ANKUB1: variants seen among roughly 807,000 people sequenced by gnomAD.
ANKUB1 encodes the protein protein ANKUB1.
ANKUB1 carries 42 observed loss-of-function variants against 49.3 expected under a neutral mutation model. The ratio of observed to expected loss-of-function variants is 0.85; its 90% CI spans 0.67 to 1.10. ANKUB1 has a LOEUF of 1.10. Among genes scored for constraint, ANKUB1 ranks in the 50% least tolerant of loss-of-function variants. ANKUB1 has a pLI of 0.00. For missense variants in ANKUB1, 613 were observed against 642.0 expected (o/e 0.95, Z 0.49); for synonymous variants, 222 against 231.0 (o/e 0.96, Z 0.35).
At chr3:149,771,913 CTCATTA>C (rs991514103) in intron 3 of ANKUB1, among the ~76,000 whole-genome samples, 2 of 152,076 alleles carry the variant, frequency 1.3e-5, no homozygotes, top group African/African-American at 4.8e-5. Context: ...TAAAAGACCA[CTCATTA>C]TCTTTCACCC....
At chr3:149,768,903 C>T (rs946706729) in intron 4 of ANKUB1, among the ~76,000 whole-genome samples, 2 of 152,034 alleles carry the variant, frequency 1.3e-5, no homozygotes, top group Non-Finnish European at 2.9e-5. Flanking sequence ...TAAAAAGTGT[C>T]CGCCTCATCA....
At chr3:149,764,517 C>G (rs570027344) in intron 5 of ANKUB1, among the ~76,000 whole-genome samples, 9 of 106,672 alleles carry the variant, frequency 8.4e-5, no homozygotes, top group Middle Eastern at 0.012. Flanking sequence ...CACCACTCCC[C>G]CTATGGGTCT....
intron 3 of ANKUB1, among the ~76,000 whole-genome samples, chr3:149,772,340 T>A (rs1717404141): frequency 6.6e-6 from 1 of 152,188 alleles, no homozygotes; most frequent in Admixed American, 6.5e-5. Flanking sequence ...TTTTTTCATG[T>A]CCTACATCTA....
chr3:149,762,778 G>A (rs1182777820), intron 5 of ANKUB1, among the ~76,000 whole-genome samples: 2 of 152,140 alleles, frequency 1.3e-5, no homozygotes, highest in Admixed American at 6.6e-5. Context: ...TCTTCACTTG[G>A]TCACACAAGA....
chr3:149,767,591 C>G lies in ANKUB1; in HGVS notation c.1071G>C (p.Met357Ile), dbSNP rs1317527502. 2.6e-6 allele frequency: 4 copies of G among 1,551,662 alleles called. No individual in the cohort carries two copies. In the Admixed American group the frequency reaches 7.8e-5, roughly 30 times the overall value. ...VMVDGFTKPKMTSKSWHKAGN... is the reference protein window; with the variant it reads ...VMVDGFTKPKITSKSWHKAGN... ...CAGCCTTATGCCAGCTCTTGGAGGT[C>G]ATTTTTGGTTTGGTGAAACCATCCA... The change falls in exon 5 of 6, where the codon ATG becomes ATC. Residue 357 changes from methionine to isoleucine, a missense_variant. By Grantham distance (10) the Met-to-Ile change is conservative. Coordinates refer to ENST00000446160, the MANE Select transcript of ANKUB1 (RefSeq NM_001144960.3).
intron 5 of ANKUB1, among the ~76,000 whole-genome samples, chr3:149,764,677 T>C (rs371375076): frequency 2.8e-5 from 4 of 140,806 alleles, no homozygotes; most frequent in East Asian, 2.1e-4. Context: ...TTTCTTTTTC[T>C]TTCCTTCCTT....
chr3:149,766,646 A>T (rs1346341968), intron 5 of ANKUB1: 1 of 509,236 alleles, frequency 2.0e-6, no homozygotes, highest in Non-Finnish European at 3.6e-6. Flanking sequence ...CAGAAAAAAA[A>T]AATCAATCAG....
At chr3:149,781,588 C>T (rs1717874916) in intron 2 of ANKUB1, among the ~76,000 whole-genome samples, 1 of 152,186 alleles carries the variant, frequency 6.6e-6, no homozygotes, top group African/African-American at 2.4e-5. Context: ...CTTGCCCCTC[C>T]TTTGTTTCCT....
intron 3 of ANKUB1, among the ~76,000 whole-genome samples, chr3:149,775,239 A>G (rs566985336): frequency 6.6e-6 from 1 of 152,256 alleles, no homozygotes; most frequent in East Asian, 1.9e-4. Flanking sequence ...ACACATGCCT[A>G]TCTGATTTGG....
chr3:149,790,925 C>G lies in ANKUB1; in HGVS notation c.91-1G>C. 4 of 1,550,812 alleles carry G rather than the reference C, an allele frequency of 2.6e-6. No homozygotes were observed. Among genetic ancestry groups the G allele is most frequent in the Non-Finnish European group, 3.5e-6 (4 of 1,146,576 alleles). Reference sequence around the variant, plus strand: ...CAGAGAGAGGAATGTGGAAATAATCCTTAAAAATCAATAGCATATTATGAA... The same window carrying G: ...CAGAGAGAGGAATGTGGAAATAATCGTTAAAAATCAATAGCATATTATGAA... On this transcript the variant is annotated splice_acceptor_variant, in intron 1 of 5. Transcript: ENST00000446160. LOFTEE classifies it high-confidence loss of function.
At chr3:149,780,182 G>A in intron 3 of ANKUB1, 57 bp downstream of exon 3, 1 of 1,400,486 alleles carries the variant, frequency 7.1e-7, no homozygotes, top group South Asian at 1.3e-5. Context: ...TGCAAAATCT[G>A]GTATCAAAGG....
chr3:149,768,075 A>T lies in ANKUB1; in HGVS notation c.587T>A (p.Leu196Gln), dbSNP rs1296781070. Residue 196 changes from leucine (L) to glutamine (Q), a missense_variant, in exon 5 of 6, where the codon CTG becomes CAG. Transcript: ENST00000446160. ...GTACCCACAAAAAGCAGCAATGTACAGGGCTACCCTTTTCTGATACCTAAA... is the reference window on the plus strand; with the variant it reads ...GTACCCACAAAAAGCAGCAATGTACTGGGCTACCCTTTTCTGATACCTAAA... ...PVLKYQKRVA[L>Q]YIAAFCGYIE... 7.1e-7 allele frequency: 1 copy of T among 1,403,834 alleles called. No individual in the cohort carries two copies. The highest frequency in any genetic ancestry group is 3.0e-5 in the Admixed American group (1 of 33,288). The allele number at this position is 1,403,834 out of a possible 1,614,324, so 87.0% of individuals were successfully genotyped here.
chr3:149,792,466 GC>G lies in ANKUB1; in HGVS notation c.-101del. On this transcript the variant is annotated 5_prime_UTR_variant, in exon 1 of 6. Transcript: ENST00000446160. ...TTCACAATTAAGGACAAAAATGATA[GC>G]CAGAGGCAGCTGTCACTGTCTAGCC... 1 of 908,800 alleles carries G rather than the reference GC, an allele frequency of 1.1e-6. No homozygotes were observed. 56.3% of individuals were successfully genotyped at this position (908,800 alleles called of 1,614,324 possible).
In ANKUB1 at chr3:149,767,972, C is replaced by T; in HGVS notation, c.690G>A (p.Trp230Ter). 1 of 1,539,258 alleles carries T rather than the reference C, an allele frequency of 6.5e-7. No homozygotes were observed. Among genetic ancestry groups the T allele is most frequent in the Non-Finnish European group, 8.8e-7 (1 of 1,137,812 alleles). Residue 230 changes from tryptophan (W) to a stop codon, truncating the protein, a stop_gained, in exon 5 of 6, where the codon TGG (tryptophan) becomes TGA (stop). Coordinates refer to ENST00000446160, the MANE Select transcript of ANKUB1 (RefSeq NM_001144960.3). LOFTEE classifies it high-confidence loss of function. ...CATCTGCATGAAGGGCTTCATGGCA[C>T]CATGCTCGATAGGGGTGAACACCGA... ...EAVGVHPYRA[W>*]CHEALHADVS...
Position 149,768,169 on chromosome 3 carries a change from C to T in ANKUB1, c.567-74G>A, listed in dbSNP as rs1261506107. The T allele has an allele frequency of 2.9e-6, 3 of 1,021,554 alleles. No homozygotes were observed. The African/African-American group carries it at 4.8e-5, about 16-fold the overall frequency. 63.3% of individuals were successfully genotyped at this position (1,021,554 alleles called of 1,614,324 possible). ...CAGACAAATGTAGTTACACTAAATG[C>T]TCATGAAATATTCTAGTTGAATGTT... On this transcript the variant is annotated intron_variant, in intron 4 of 5. Transcript: ENST00000446160.
At chr3:149,766,303 TTCAAG>T (rs1717010822) in intron 5 of ANKUB1, among the ~76,000 whole-genome samples, 1 of 152,208 alleles carries the variant, frequency 6.6e-6, no homozygotes, top group African/African-American at 2.4e-5. Flanking sequence ...AGTCAGTCAA[TTCAAG>T]TCTTTAATCA....
intron 2 of ANKUB1, among the ~76,000 whole-genome samples, chr3:149,787,600 C>A (rs1271899607): frequency 6.6e-6 from 1 of 152,152 alleles, no homozygotes; most frequent in Non-Finnish European, 1.5e-5. Context: ...GAACTTCCAA[C>A]ACTATGTTGA....
intron 5 of ANKUB1, among the ~76,000 whole-genome samples, chr3:149,763,640 G>T (rs1226354210): frequency 6.6e-6 from 1 of 152,152 alleles, no homozygotes; most frequent in Non-Finnish European, 1.5e-5. Flanking sequence ...GGACTCCCAG[G>T]TCACATAAAC....
chr3:149,770,164 T>C lies in ANKUB1; in HGVS notation c.566+396A>G, dbSNP rs923088459. ...GTAAGAATATGGTATATAATACATA[T>C]ACACAACGTGTTAATTGACTGTGTT... On this transcript the variant is annotated intron_variant, in intron 4 of 5. Coordinates refer to ENST00000446160, the MANE Select transcript of ANKUB1 (RefSeq NM_001144960.3). 7.2e-5 allele frequency among the ~76,000 whole-genome samples: 11 copies of C among 152,348 alleles called. No individual in the cohort carries two copies. The East Asian group carries it at 1.7e-3, about 24-fold the overall frequency.
Sources: allele counts gnomAD v4.1 joint callset (sites outside exome capture counted in the v4.1 genomes callset), GRCh38; gene constraint gnomAD v4.1.1; transcripts MANE v1.5; gene names NCBI Gene and HGNC (gene_info 2026-07-23, HGNC 2026-07-21).